The following IQGAP2 variants were observed in gnomAD, a reference collection of about 807,000 sequenced individuals.
IQGAP2 encodes the protein IQ motif containing GTPase activating protein 2.
IQGAP2 carries 173 observed loss-of-function variants against 201.3 expected under a neutral mutation model. That is an observed-to-expected ratio of 0.86 (90% CI 0.76 to 0.98). The LOEUF is 0.98. Among genes scored for constraint, IQGAP2 ranks in the 50% least tolerant of loss-of-function variants. IQGAP2 has a pLI of 0.00. For synonymous variants in IQGAP2, 675 were observed against 673.9 expected (o/e 1.00, Z -0.03); for missense variants, 1,687 against 1,864.8 (o/e 0.90, Z 1.76).
chr5:76,585,765 C>T (rs1442483484), intron 5 of IQGAP2, among the ~76,000 whole-genome samples: 4 of 152,098 alleles, frequency 2.6e-5, no homozygotes, highest in African/African-American at 9.7e-5. Flanking sequence ...TTGCCTGCCT[C>T]GGCCTCCCAA....
intron 1 of IQGAP2, among the ~76,000 whole-genome samples, chr5:76,432,502 G>A (rs1029167874): frequency 2.6e-5 from 4 of 152,116 alleles, no homozygotes; most frequent in Non-Finnish European, 5.9e-5. Flanking sequence ...TAATAGAACA[G>A]GATAGAAGCC....
rs1473113857 is a variant in IQGAP2, at chr5:76,618,340, T to G, written c.1521+7157T>G. 2.5e-6 allele frequency: 4 copies of G among 1,614,028 alleles called. No homozygotes were observed. In the Admixed American group the frequency reaches 6.7e-5, roughly 27 times the overall value. Reference sequence around the variant, plus strand: ...AATACAGTGGTACAGATGGATCTGGTCCTGAAGAAAAGCATCCACAGGGTC... The same window carrying G: ...AATACAGTGGTACAGATGGATCTGGGCCTGAAGAAAAGCATCCACAGGGTC... On this transcript the variant is annotated intron_variant, in intron 13 of 35. Coordinates refer to ENST00000274364, the MANE Select transcript of IQGAP2 (RefSeq NM_006633.5).
intron 2 of IQGAP2, among the ~76,000 whole-genome samples, chr5:76,514,078 T>C (rs1439377127): frequency 7.7e-6 from 1 of 130,516 alleles, no homozygotes; most frequent in African/African-American, 3.0e-5. Flanking sequence ...TGGAGTGCAG[T>C]GGCATGATGA....
At chr5:76,529,500 C>T (rs1319173723) in intron 2 of IQGAP2, among the ~76,000 whole-genome samples, 2 of 151,874 alleles carry the variant, frequency 1.3e-5, no homozygotes, top group African/African-American at 4.8e-5. Flanking sequence ...TAGTGGCGCA[C>T]GCCTGTAATC....
At chr5:76,691,488 A>C (rs1388699754) in intron 30 of IQGAP2, 1 of 152,220 alleles carries the variant, frequency 6.6e-6, no homozygotes, top group Non-Finnish European at 1.5e-5. Context: ...TTCCTGTTTA[A>C]TACATTGATG....
chr5:76,618,324 G>C (rs373076521), intron 13 of IQGAP2: 4 of 1,614,220 alleles, frequency 2.5e-6, no homozygotes, highest in Non-Finnish European at 3.4e-6. Flanking sequence ...GAATACAGTG[G>C]TACAGATGGA....
intron 17 of IQGAP2, among the ~76,000 whole-genome samples, chr5:76,647,094 G>A (rs957441442): frequency 1.3e-5 from 2 of 151,960 alleles, no homozygotes; most frequent in African/African-American, 4.8e-5. Context: ...AAGCTTTAAG[G>A]ACTTAAAAAT....
chr5:76,471,204 G>A (rs1029652247), intron 2 of IQGAP2, among the ~76,000 whole-genome samples: 1 of 152,090 alleles, frequency 6.6e-6, no homozygotes, highest in Non-Finnish European at 1.5e-5. Flanking sequence ...GACGGAGTTT[G>A]CAAATTGCAG....
chr5:76,697,401 C>T (rs7731047), intron 32 of IQGAP2, among the ~76,000 whole-genome samples: 49,965 of 152,066 alleles, frequency 0.33, 8,367 homozygotes, highest in Non-Finnish European at 0.35. Flanking sequence ...CCCAGCACTT[C>T]GGGAGGCCGA....
rs181367873 is a variant in IQGAP2, at chr5:76,646,533, C to T, written c.2094+5430C>T. Among the ~76,000 whole-genome samples the T allele has an allele frequency of 7.9e-4, 120 of 152,272 alleles. No homozygotes were observed. In the Middle Eastern group the frequency reaches 0.01, roughly 13 times the overall value. ...TATTCACATTAAAGTTTGAGAAGCA[C>T]CGTTAAGATCACTCCAGTTTCAAAA... On this transcript the variant is annotated intron_variant, in intron 17 of 35. Coordinates refer to ENST00000274364, the MANE Select transcript of IQGAP2 (RefSeq NM_006633.5).
chr5:76,654,375 A>C, intron 19 of IQGAP2, 104 bp downstream of exon 19: 1 of 686,798 alleles, frequency 1.5e-6, no homozygotes, highest in Non-Finnish European at 2.5e-6. Context: ...GTGAACATGA[A>C]CACTTAAGAA....
chr5:76,625,179 C>T (rs568788569), intron 13 of IQGAP2, among the ~76,000 whole-genome samples: 1 of 152,180 alleles, frequency 6.6e-6, no homozygotes, highest in Non-Finnish European at 1.5e-5. Context: ...GACTTAAATT[C>T]ATCTGATTTG....
chr5:76,555,091 G>A (rs1743845467), intron 2 of IQGAP2, among the ~76,000 whole-genome samples: 1 of 152,172 alleles, frequency 6.6e-6, no homozygotes. Flanking sequence ...TACATGAAAT[G>A]TTCAGAATAG....
At chr5:76,473,827 A>G (rs1419479896) in intron 2 of IQGAP2, among the ~76,000 whole-genome samples, 2 of 152,194 alleles carry the variant, frequency 1.3e-5, no homozygotes, top group Non-Finnish European at 2.9e-5. Flanking sequence ...TTGAAACATC[A>G]AAAGGTATGA....
rs750589335 is a variant in IQGAP2 at position 76,627,442 on chromosome 5, G to A, written c.1554G>A (p.Leu518=). 46 of 1,603,578 alleles carry A rather than the reference G, an allele frequency of 2.9e-5. No homozygotes were observed. In the South Asian group the frequency reaches 5.0e-4, roughly 17 times the overall value. Residue 518 remains leucine (L), a synonymous_variant, in exon 14 of 36, where the codon CTG becomes CTA. Transcript: ENST00000274364. ...AGAGTGTTTCCAAAGTGCTTTGGCT[G>A]GATGAGATACAGCAAGCCGTCGATG... is the stretch of plus-strand genomic sequence containing the variant. ...DSESVSKVLW[L]DEIQQAVDDA...
intron 1 of IQGAP2, among the ~76,000 whole-genome samples, chr5:76,423,448 C>T (rs1751835561): frequency 6.6e-6 from 1 of 152,152 alleles, no homozygotes; most frequent in African/African-American, 2.4e-5. Flanking sequence ...TGGTGAAACC[C>T]CGTTTCTACT....
rs142088212 is a variant in IQGAP2 at position 76,595,768 on chromosome 5, A to AAGAGAGAGAG, written c.908-1649_908-1640dup. ...AGAGCAAGACTGTCTCAAAAAAAGA[A>AAGAGAGAGAG]AGAGAGAGAGAGAGAGAGAGAGAGA... On this transcript the variant is annotated intron_variant, in intron 9 of 35. Coordinates refer to ENST00000274364, the MANE Select transcript of IQGAP2 (RefSeq NM_006633.5). 4.0e-3 allele frequency among the ~76,000 whole-genome samples: 571 copies of AAGAGAGAGAG among 144,274 alleles called. 9 individuals carry two copies. The highest frequency in any genetic ancestry group is 0.014 in the African/African-American group (528 of 38,606). 94.6% of individuals were successfully genotyped at this position (144,274 alleles called of 152,430 possible).
chr5:76,457,303 G>T (rs1217818583), intron 1 of IQGAP2, among the ~76,000 whole-genome samples: 2 of 152,056 alleles, frequency 1.3e-5, no homozygotes, highest in African/African-American at 2.4e-5. Context: ...GTAATTCCTG[G>T]TTTTCTGCTT....
intron 2 of IQGAP2, among the ~76,000 whole-genome samples, chr5:76,471,810 C>A (rs1340366095): frequency 6.6e-6 from 1 of 152,162 alleles, no homozygotes; most frequent in African/African-American, 2.4e-5. Flanking sequence ...AGGACATACC[C>A]ATGGATAAGC....
Sources: gnomAD v4.1 joint callset for allele counts (sites outside exome capture counted in the v4.1 genomes callset) on GRCh38, gnomAD v4.1.1 for gene constraint, MANE v1.5 for transcripts, NCBI Gene and HGNC (gene_info 2026-07-23, HGNC 2026-07-21) for gene names.